Variants in HMGXB3 observed in about 807,000 individuals in gnomAD.
HMGXB3 encodes the protein HMG domain-containing protein 3.
Under a neutral mutation model 121.5 loss-of-function variants are expected in HMGXB3, and 45 were observed. That is an observed-to-expected ratio of 0.37 (90% CI 0.29 to 0.47). HMGXB3 has a LOEUF of 0.47. Ranked by LOEUF, HMGXB3 falls within the 20% of genes least tolerant of loss-of-function variation. The probability of loss-of-function intolerance (pLI) is 0.99; values close to 1 mark genes in which losing one functional copy is unlikely to be tolerated. For synonymous variants in HMGXB3, 590 were observed against 624.1 expected, an observed-to-expected ratio of 0.95 and a Z score of 0.81; for missense variants, 1,376 against 1,602.2, an observed-to-expected ratio of 0.86 and a Z score of 2.41.
At chr5:150,029,158 G>A (rs1416427080) in intron 9 of HMGXB3, among the ~76,000 whole-genome samples, 6 of 152,022 alleles carry the variant, frequency 3.9e-5, no homozygotes, top group Admixed American at 3.3e-4. Context: ...TTTTAATACA[G>A]TTTTTTAAAA....
At chr5:150,011,638 C>G (rs189238281) in intron 4 of HMGXB3, among the ~76,000 whole-genome samples, 1 of 133,868 alleles carries the variant, frequency 7.5e-6, no homozygotes, top group African/African-American at 3.0e-5. Context: ...GAGTTTTGCT[C>G]TTGTCACCCA....
At chr5:150,041,003 C>A in intron 14 of HMGXB3, 124 bp downstream of exon 14, 1 of 937,274 alleles carries the variant, frequency 1.1e-6, no homozygotes, top group Non-Finnish European at 1.5e-6. Context: ...AGGAGACATT[C>A]TTGACTTCCT....
At chr5:150,037,686 A>G (rs1167556006) in intron 13 of HMGXB3, among the ~76,000 whole-genome samples, 159 bp downstream of exon 13, 2 of 152,216 alleles carry the variant, frequency 1.3e-5, no homozygotes, top group Admixed American at 6.5e-5. Flanking sequence ...CCACAAGATG[A>G]CTTTTACCTC....
chr5:150,050,277 T>G lies in HMGXB3; in HGVS notation c.3227T>G (p.Val1076Gly). 1 of 1,551,880 alleles carries G rather than the reference T, an allele frequency of 6.4e-7. No individual in the cohort carries two copies. Among genetic ancestry groups the G allele is most frequent in the Non-Finnish European group, 8.7e-7 (1 of 1,146,998 alleles). Residue 1076 changes from valine (V) to glycine (G), a missense_variant, in exon 19 of 20, where the codon GTG (valine) becomes GGG (glycine). This residue lies in a region of HMGXB3 where 1,116 missense variants were observed against 1,369.0 expected (regional missense o/e 0.82). Transcript: ENST00000502717. ...GTGGTCTGCGGCTCCAAGTATCTTG[T>G]GCGAGGTGAGAGTGCCCGTGACCAT... ...HQVVCGSKYLVRGESARDHVD... is the reference protein window; with the variant it reads ...HQVVCGSKYLGRGESARDHVD...
At chr5:150,022,736 A>ACT (rs1482777514) in intron 6 of HMGXB3, among the ~76,000 whole-genome samples, 1 of 151,562 alleles carries the variant, frequency 6.6e-6, no homozygotes, top group Non-Finnish European at 1.5e-5. Flanking sequence ...CTCCATGTTA[A>ACT]CTCACTCTTA....
intron 15 of HMGXB3, 80 bp downstream of exon 15, chr5:150,042,049 G>A (rs896213900): frequency 1.7e-6 from 2 of 1,191,170 alleles, no homozygotes; most frequent in Admixed American, 2.1e-5. Context: ...ATATCCCCAG[G>A]GGGTGGATAG....
At chr5:150,032,421 T>C (rs1016309560) in intron 10 of HMGXB3, 33 bp from the exon 11 acceptor site, 3 of 1,541,824 alleles carry the variant, frequency 1.9e-6, no homozygotes, top group African/African-American at 2.7e-5. Flanking sequence ...AACTTAATTT[T>C]TGTAGAATTG....
chr5:150,010,885 A>G (rs773022937), intron 4 of HMGXB3, among the ~76,000 whole-genome samples: 3 of 152,262 alleles, frequency 2.0e-5, no homozygotes, highest in African/African-American at 4.8e-5. Context: ...TGCAAATTGT[A>G]TTTGAATTAT....
chr5:150,001,625 C>T (rs1279123852), intron 1 of HMGXB3, among the ~76,000 whole-genome samples: 1 of 152,130 alleles, frequency 6.6e-6, no homozygotes, highest in East Asian at 1.9e-4. Flanking sequence ...GTACTAGAAC[C>T]CGGATTTTCT....
intron 9 of HMGXB3, 33 bp from the exon 10 acceptor site, chr5:150,030,708 C>G: frequency 1.3e-6 from 2 of 1,503,288 alleles, no homozygotes; most frequent in Non-Finnish European, 1.8e-6. Flanking sequence ...GGCTAAGGTT[C>G]AAAAGCACTA....
intron 5 of HMGXB3, 140 bp downstream of exon 5, chr5:150,012,493 C>G (rs1031701068): frequency 1.6e-6 from 1 of 642,130 alleles, no homozygotes; most frequent in African/African-American, 1.8e-5. Context: ...CCTCAGGATG[C>G]GAGGACTGGC....
rs938091710 is a variant in HMGXB3 at position 150,052,681 on chromosome 5, G to A, written c.*489G>A. 1.9e-5 allele frequency: 3 copies of A among 159,244 alleles called. No homozygotes were observed. The highest frequency in any genetic ancestry group is 1.8e-4 in the Admixed American group (3 of 16,898). 9.9% of individuals were successfully genotyped at this position (159,244 alleles called of 1,614,324 possible). A position where few individuals can be genotyped will look rare whatever the true frequency, so the allele number is the denominator to read the frequency against. On this transcript the variant is annotated 3_prime_UTR_variant, in exon 20 of 20. Transcript: ENST00000502717. Reference sequence around the variant, plus strand: ...CCTGGGTGGCCTCATTAACTCTAGGGGTCCCTTTGGGCTCTTGATTCTCCC... The same window carrying A: ...CCTGGGTGGCCTCATTAACTCTAGGAGTCCCTTTGGGCTCTTGATTCTCCC...
chr5:150,003,381 T>G (rs1039748600), intron 1 of HMGXB3, among the ~76,000 whole-genome samples: 10 of 152,212 alleles, frequency 6.6e-5, no homozygotes, highest in African/African-American at 2.2e-4. Context: ...GTTAAAAATC[T>G]ATCTCTCAAG....
At chr5:150,016,630 C>T (rs1162667092) in intron 5 of HMGXB3, among the ~76,000 whole-genome samples, 1 of 152,158 alleles carries the variant, frequency 6.6e-6, no homozygotes, top group African/African-American at 2.4e-5. Context: ...TTTATATCTA[C>T]ATAAAGTGTT....
chr5:150,001,693 A>G lies in HMGXB3; in HGVS notation c.-3+514A>G, dbSNP rs577595792. ...TTGTCCTGCCTTTTTTTGCATTGCT[A>G]TACTGCTGCCTCGAGTCTGATAACA... On this transcript the variant is annotated intron_variant, in intron 1 of 19. Transcript: ENST00000502717. 2.4e-4 allele frequency among the ~76,000 whole-genome samples: 36 copies of G among 152,168 alleles called. No individual in the cohort carries two copies. The South Asian group carries it at 7.5e-3, about 32-fold the overall frequency.
chr5:150,038,685 TG>T (rs1372314088), intron 13 of HMGXB3, among the ~76,000 whole-genome samples: 78 of 152,370 alleles, frequency 5.1e-4, no homozygotes, highest in African/African-American at 1.8e-3. Context: ...GAATGTCATG[TG>T]AAAGCAATTA....
intron 15 of HMGXB3, among the ~76,000 whole-genome samples, chr5:150,044,031 G>T (rs1325167928): frequency 6.6e-6 from 1 of 152,180 alleles, no homozygotes; most frequent in African/African-American, 2.4e-5. Context: ...CACCCGTCCT[G>T]TCCCAATCAA....
intron 5 of HMGXB3, among the ~76,000 whole-genome samples, chr5:150,013,180 G>A (rs1385705907): frequency 6.6e-6 from 1 of 152,178 alleles, no homozygotes; most frequent in African/African-American, 2.4e-5. Context: ...AGGAGGAAAG[G>A]ATTCAGTCCT....
chr5:150,044,231 T>C (rs1461740258), intron 15 of HMGXB3, among the ~76,000 whole-genome samples: 1 of 152,136 alleles, frequency 6.6e-6, no homozygotes, highest in South Asian at 2.1e-4. Context: ...TGAACAAAAC[T>C]TAAATATGCT....
Sources: allele counts gnomAD v4.1 joint callset (sites outside exome capture counted in the v4.1 genomes callset), GRCh38; gene constraint gnomAD v4.1.1; regional missense constraint gnomAD v4.1.1; transcripts MANE v1.5; gene names NCBI Gene and HGNC (gene_info 2026-07-23, HGNC 2026-07-21).